Variants in GRIA1 observed in about 807,000 individuals in gnomAD.
GRIA1 encodes the protein glutamate ionotropic receptor AMPA type subunit 1, also known as glutamate receptor 1.
A neutral mutation model predicts 99.2 loss-of-function variants in GRIA1; 31 were observed. That is an observed-to-expected ratio of 0.31 (90% confidence interval 0.23 to 0.42). GRIA1 has a LOEUF of 0.42. GRIA1 is among the 10% of genes least tolerant of loss of function. The pLI, the probability that GRIA1 is intolerant of heterozygous loss-of-function variation, is 1.00. For missense variants in GRIA1, 782 were observed against 1,157.5 expected (o/e 0.68, Z 4.71); for synonymous variants, 438 against 432.4 (o/e 1.01, Z -0.16).
chr5:153,573,708 A>G (rs1762309012), intron 2 of GRIA1, among the ~76,000 whole-genome samples: 1 of 152,206 alleles, frequency 6.6e-6, no homozygotes, highest in Non-Finnish European at 1.5e-5. Context: ...GAGCAAATAT[A>G]TAAAGGTGAA....
At chr5:153,784,455 G>A (rs760939241) in intron 13 of GRIA1, among the ~76,000 whole-genome samples, 3 of 152,136 alleles carry the variant, frequency 2.0e-5, no homozygotes, top group Non-Finnish European at 2.9e-5. Flanking sequence ...CAAAGACAAA[G>A]CCTCTGTCTT....
At chr5:153,627,411 G>A (rs963218017) in intron 2 of GRIA1, among the ~76,000 whole-genome samples, 3 of 152,104 alleles carry the variant, frequency 2.0e-5, no homozygotes, top group Non-Finnish European at 4.4e-5. Context: ...AACCACTCAG[G>A]TGTCTAGCCC....
At chr5:153,583,259 T>G (rs1396935187) in intron 2 of GRIA1, among the ~76,000 whole-genome samples, 1 of 152,176 alleles carries the variant, frequency 6.6e-6, no homozygotes, top group Non-Finnish European at 1.5e-5. Flanking sequence ...GTGGAGTATA[T>G]TAGGTTCCTA....
chr5:153,690,509 C>A (rs1757666647), intron 8 of GRIA1, among the ~76,000 whole-genome samples: 1 of 152,158 alleles, frequency 6.6e-6, no homozygotes, highest in Admixed American at 6.5e-5. Context: ...GCCTGTTACA[C>A]CACTGCTTGT....
intron 10 of GRIA1, among the ~76,000 whole-genome samples, chr5:153,699,731 G>A (rs1758381123): frequency 6.6e-6 from 1 of 152,000 alleles, no homozygotes; most frequent in South Asian, 2.1e-4. Context: ...GGTTACCTGT[G>A]TAACAGGGGT....
chr5:153,613,124 A>G lies in GRIA1; in HGVS notation c.221-33804A>G, dbSNP rs531527871. ...GCTCCTTTTTCTTTTCCTCCCCCCA[A>G]TAAAAATTTCTGTTCCAGGGAGTAC... is the stretch of plus-strand genomic sequence containing the variant. On this transcript the variant is annotated intron_variant, in intron 2 of 15. Coordinates refer to ENST00000285900, the MANE Select transcript of GRIA1 (RefSeq NM_000827.4). Among the ~76,000 whole-genome samples, 11 of 151,844 alleles carry G rather than the reference A, an allele frequency of 7.2e-5. No homozygotes were observed. In the East Asian group the frequency reaches 1.4e-3, roughly 19 times the overall value.
intron 2 of GRIA1, among the ~76,000 whole-genome samples, chr5:153,549,345 T>C (rs1476789188): frequency 6.6e-6 from 1 of 152,202 alleles, no homozygotes; most frequent in Admixed American, 6.5e-5. Context: ...TTGAGACTTC[T>C]CTGCCACCTC....
At chr5:153,655,894 C>G (rs1754910048) in intron 5 of GRIA1, 22 bp downstream of exon 5, 4 of 1,610,008 alleles carry the variant, frequency 2.5e-6, no homozygotes, top group East Asian at 2.2e-5. Context: ...ACTGCAGGCT[C>G]TCAGCTCAAG....
At chr5:153,536,830 T>G (rs762059255) in intron 2 of GRIA1, among the ~76,000 whole-genome samples, 5 of 152,218 alleles carry the variant, frequency 3.3e-5, no homozygotes, top group Admixed American at 1.3e-4. Context: ...TTCCGGTCAA[T>G]TCTCTCTTCT....
intron 2 of GRIA1, among the ~76,000 whole-genome samples, chr5:153,499,088 T>C (rs1290448269): frequency 6.6e-6 from 1 of 152,218 alleles, no homozygotes; most frequent in Non-Finnish European, 1.5e-5. Context: ...TGGTGGCTGA[T>C]GGTGGGATAA....
At chr5:153,607,042 G>T (rs868102884) in intron 2 of GRIA1, among the ~76,000 whole-genome samples, 1 of 127,756 alleles carries the variant, frequency 7.8e-6, no homozygotes, top group Non-Finnish European at 1.7e-5. Flanking sequence ...TATCACAAAA[G>T]ATATATATAT....
intron 2 of GRIA1, among the ~76,000 whole-genome samples, chr5:153,594,184 A>G (rs778823): frequency 0.98 from 149,064 of 152,272 alleles, 73,008 homozygotes; most frequent in East Asian, 1. Context: ...ACTTCAAGAC[A>G]ATCGCCTTTT....
rs1754504076 is a variant in GRIA1, at chr5:153,497,029, A to G, written c.220+2964A>G. ...CTAGACATGTTAGCAGCAGGGGACT[A>G]AAAATGAGGAGAGGTGGTTATATGG... On this transcript the variant is annotated intron_variant, in intron 2 of 15. Coordinates refer to ENST00000285900, the MANE Select transcript of GRIA1 (RefSeq NM_000827.4). Among the ~76,000 whole-genome samples the G allele has an allele frequency of 2.6e-5, 4 of 152,274 alleles. No homozygotes were observed. In the Middle Eastern group the frequency reaches 0.01, roughly 388 times the overall value.
chr5:153,666,491 G>T lies in GRIA1; in HGVS notation c.700-8009G>T, dbSNP rs200080734. ...GGTATAAAAATGTGTGCTGCTCTGA[G>T]TGCTTCATTGCAGGACAGGACATAA... On this transcript the variant is annotated intron_variant, in intron 5 of 15. Transcript: ENST00000285900. Among the ~76,000 whole-genome samples, 5 of 152,164 alleles carry T rather than the reference G, an allele frequency of 3.3e-5. No homozygotes were observed. The East Asian group carries it at 7.7e-4, about 23-fold the overall frequency.
intron 5 of GRIA1, among the ~76,000 whole-genome samples, chr5:153,657,443 T>C (rs1023711007): frequency 1.3e-5 from 2 of 152,224 alleles, no homozygotes; most frequent in Non-Finnish European, 2.9e-5. Context: ...TTTTTATCTA[T>C]AACAAATTTT....
intron 5 of GRIA1, among the ~76,000 whole-genome samples, chr5:153,670,841 G>C (rs1756113724): frequency 1.3e-5 from 2 of 151,980 alleles, no homozygotes; most frequent in Admixed American, 6.6e-5. Flanking sequence ...CAGTTGTGCA[G>C]GTTCATTTTC....
intron 2 of GRIA1, among the ~76,000 whole-genome samples, chr5:153,626,460 G>GTC (rs1205870374): frequency 6.7e-6 from 1 of 149,410 alleles, no homozygotes; most frequent in Admixed American, 6.7e-5. Context: ...GTGTGTGTGT[G>GTC]TGTGTGTGTG....
At chr5:153,731,243 T>C (rs978926733) in intron 11 of GRIA1, among the ~76,000 whole-genome samples, 19 of 151,834 alleles carry the variant, frequency 1.3e-4, no homozygotes, top group African/African-American at 4.6e-4. Flanking sequence ...TCTCTCTCTC[T>C]CCATCTTCAT....
chr5:153,792,759 G>T (rs1009991780), intron 13 of GRIA1, among the ~76,000 whole-genome samples: 1 of 152,088 alleles, frequency 6.6e-6, no homozygotes, highest in African/African-American at 2.4e-5. Context: ...TTGAGAGGGA[G>T]AGAGTGGAGA....
Sources: gnomAD v4.1 joint callset for allele counts (sites outside exome capture counted in the v4.1 genomes callset) on GRCh38, gnomAD v4.1.1 for gene constraint, MANE v1.5 for transcripts, NCBI Gene and HGNC (gene_info 2026-07-23, HGNC 2026-07-21) for gene names.